Variants in NEK5 observed in about 807,000 individuals in gnomAD.
NEK5 encodes serine/threonine-protein kinase Nek5.
A neutral mutation model predicts 109.2 loss-of-function variants in NEK5; 88 were observed. That is an observed-to-expected ratio of 0.81 (90% CI 0.68 to 0.96). The LOEUF (loss-of-function observed/expected upper bound fraction) is 0.96, where lower values mean the gene tolerates loss of function less well. Among genes scored for constraint, NEK5 ranks in the 40% least tolerant of loss-of-function variants. NEK5 has a pLI of 0.00. For synonymous variants in NEK5, 283 were observed against 299.9 expected, an observed-to-expected ratio of 0.94 and a Z score of 0.58; for missense variants, 834 against 920.7, an observed-to-expected ratio of 0.91 and a Z score of 1.22.
Position 52,076,161 on chromosome 13 carries a change from A to T in NEK5, c.1573-18T>A. On this transcript the variant is annotated intron_variant, in intron 17 of 23. Coordinates refer to ENST00000684899, the MANE Select transcript of NEK5 (RefSeq NM_001365552.1). Reference sequence around the variant, plus strand: ...TCAATGTCCTGAAAATTTAGAGAAAAATACAATTCTCTCACTGTATGTTTA... The same window carrying T: ...TCAATGTCCTGAAAATTTAGAGAAATATACAATTCTCTCACTGTATGTTTA... 7.2e-7 allele frequency: 1 copy of T among 1,381,594 alleles called. No homozygotes were observed. Among genetic ancestry groups the T allele is most frequent in the Non-Finnish European group, 1.0e-6 (1 of 978,098 alleles). 85.6% of individuals were successfully genotyped at this position (1,381,594 alleles called of 1,614,324 possible).
At chr13:52,062,117 T>C (rs1364052210) in intron 21 of NEK5, 164 bp from the exon 22 acceptor site, 1 of 152,248 alleles carries the variant, frequency 6.6e-6, no homozygotes, top group African/African-American at 2.4e-5. Flanking sequence ...ACATAGCTGA[T>C]GAGGGGAAGA....
chr13:52,108,950 T>C (rs1369819884), intron 7 of NEK5, among the ~76,000 whole-genome samples: 3 of 152,252 alleles, frequency 2.0e-5, no homozygotes, highest in Non-Finnish European at 4.4e-5. Flanking sequence ...TTATGATATA[T>C]TCAGGTACAT....
intron 12 of NEK5, among the ~76,000 whole-genome samples, chr13:52,098,649 T>G (rs1955468574): frequency 6.6e-6 from 1 of 152,292 alleles, no homozygotes; most frequent in Non-Finnish European, 1.5e-5. Context: ...TATGTTAGAA[T>G]TAAGAATATT....
At chr13:52,070,976 C>A (rs1375158620) in intron 20 of NEK5, among the ~76,000 whole-genome samples, 1 of 152,186 alleles carries the variant, frequency 6.6e-6, no homozygotes, top group Non-Finnish European at 1.5e-5. Context: ...GTTGGAATAA[C>A]TTGTGAAAGA....
At chr13:52,043,184 G>T (rs1954428531) in intron 23 of NEK5, among the ~76,000 whole-genome samples, 1 of 151,904 alleles carries the variant, frequency 6.6e-6, no homozygotes, top group South Asian at 2.1e-4. Context: ...GGAAAAAAAA[G>T]TGACAATGTA....
chr13:52,045,254 C>G (rs1420253755), intron 23 of NEK5, among the ~76,000 whole-genome samples: 2 of 148,872 alleles, frequency 1.3e-5, no homozygotes, highest in Non-Finnish European at 3.0e-5. Flanking sequence ...CTCAGCCTGC[C>G]GAGTAGCTGG....
chr13:52,070,962 C>T (rs1954774512), intron 20 of NEK5, among the ~76,000 whole-genome samples: 1 of 152,150 alleles, frequency 6.6e-6, no homozygotes, highest in Non-Finnish European at 1.5e-5. Flanking sequence ...AACTGAGATT[C>T]AGTGTTGGAA....
rs775408363 is a variant in NEK5 at position 52,112,279 on chromosome 13, T to C, written c.301A>G (p.Ser101Gly). ...RINRQRGVLFSEDQILGWFVQ... is the reference protein window; with the variant it reads ...RINRQRGVLFGEDQILGWFVQ... Reference sequence around the variant, plus strand: ...TTAGAAGTTTTTACCTGATCTTCACTAAATAACACACCCCGTTGTCTATTG... The same window carrying C: ...TTAGAAGTTTTTACCTGATCTTCACCAAATAACACACCCCGTTGTCTATTG... Residue 101 changes from serine (S) to glycine (G), a missense_variant, in exon 5 of 24, where the codon AGT becomes GGT. Transcript: ENST00000684899. 6.2e-7 allele frequency: 1 copy of C among 1,603,924 alleles called. No homozygotes were observed. Among genetic ancestry groups the C allele is most frequent in the East Asian group, 2.2e-5 (1 of 44,784 alleles).
At chr13:52,100,312 G>C (rs924880375) in intron 11 of NEK5, among the ~76,000 whole-genome samples, 32 of 151,856 alleles carry the variant, frequency 2.1e-4, no homozygotes, top group African/African-American at 7.3e-4. Flanking sequence ...CCCGGGCTAC[G>C]GTGCAGTGGC....
intron 17 of NEK5, chr13:52,082,311 A>G (rs1326159520): frequency 2.0e-6 from 2 of 1,005,338 alleles, no homozygotes; most frequent in African/African-American, 1.7e-5. Context: ...GCGAAATTCC[A>G]TCTAAAAAAA....
At position 52,102,096 on chromosome 13, in the gene NEK5, G is replaced by A; in HGVS notation, c.806C>T (p.Pro269Leu). The stretch of plus-strand genomic sequence containing the variant: ...AACAGTCACCTCAAAACTTACCTCA[G>A]GAGTCAAATATTTGGGAATAAGATT... ...LENLIPKYLT[P>L]EVIQEEFSHM... The change falls in exon 10 of 24, where the codon CCT becomes CTT. Residue 269 changes from proline to leucine, a missense_variant. Pro to Leu is a moderately conservative substitution (Grantham distance 98, BLOSUM62 -3). This residue lies in a region of NEK5 where 777 missense variants were observed against 824.7 expected (regional missense o/e 0.94). Transcript: ENST00000684899. 1 of 1,613,538 alleles carries A rather than the reference G, an allele frequency of 6.2e-7. No individual in the cohort carries two copies. The highest frequency in any genetic ancestry group is 8.5e-7 in the Non-Finnish European group (1 of 1,179,558).
intron 16 of NEK5, among the ~76,000 whole-genome samples, chr13:52,084,340 C>T (rs939591750): frequency 6.6e-6 from 1 of 152,050 alleles, no homozygotes; most frequent in Admixed American, 6.6e-5. Context: ...AACTCAGCCT[C>T]CTGAGTAGCT....
chr13:52,079,915 C>G (rs1417762769), intron 17 of NEK5, among the ~76,000 whole-genome samples: 2 of 152,080 alleles, frequency 1.3e-5, no homozygotes, highest in African/African-American at 2.4e-5. Flanking sequence ...CCCCGCCGCC[C>G]CGTCTGGGAT....
chr13:52,043,853 G>C (rs1954434814), intron 23 of NEK5, among the ~76,000 whole-genome samples: 1 of 152,232 alleles, frequency 6.6e-6, no homozygotes, highest in Non-Finnish European at 1.5e-5. Context: ...ATGTGAAATA[G>C]AATAACCACT....
At chr13:52,066,759 A>C (rs1954697025) in intron 20 of NEK5, among the ~76,000 whole-genome samples, 1 of 151,544 alleles carries the variant, frequency 6.6e-6, no homozygotes, top group Admixed American at 6.6e-5. Context: ...AGCCGAGATC[A>C]CGCCTTTGCA....
At chr13:52,072,185 C>A (rs1357552624) in intron 19 of NEK5, 115 bp from the exon 20 acceptor site, 3 of 696,226 alleles carry the variant, frequency 4.3e-6, no homozygotes. Flanking sequence ...AAATATTCAA[C>A]AAATGTTTAC....
intron 17 of NEK5, among the ~76,000 whole-genome samples, chr13:52,080,889 T>TAA (rs61101943): frequency 7.5e-6 from 1 of 133,668 alleles, no homozygotes. Context: ...AATGATCAAT[T>TAA]AAAAAAAAAA....
At chr13:52,064,216 G>T (rs1232062486) in intron 21 of NEK5, among the ~76,000 whole-genome samples, 2 of 146,812 alleles carry the variant, frequency 1.4e-5, no homozygotes, top group Non-Finnish European at 3.1e-5. Flanking sequence ...GCCCCGTCCG[G>T]GAGGGAGGTG....
At chr13:52,055,559 G>C (rs1366086989) in intron 22 of NEK5, among the ~76,000 whole-genome samples, 1 of 152,112 alleles carries the variant, frequency 6.6e-6, no homozygotes, top group Non-Finnish European at 1.5e-5. Flanking sequence ...GAAATGTCAG[G>C]TTATCCTCAA....
Sources: allele counts gnomAD v4.1 joint callset (sites outside exome capture counted in the v4.1 genomes callset), GRCh38; gene constraint gnomAD v4.1.1; regional missense constraint gnomAD v4.1.1; transcripts MANE v1.5; gene names NCBI Gene and HGNC (gene_info 2026-07-23, HGNC 2026-07-21).